The following SLC35F3 variants were observed in gnomAD, a reference collection of about 807,000 sequenced individuals.
SLC35F3 encodes solute carrier family 35 member F3.
SLC35F3 carries 25 observed loss-of-function variants against 49.9 expected under a neutral mutation model. The observed-to-expected ratio is 0.50, with a 90% CI of 0.37 to 0.70. The LOEUF (loss-of-function observed/expected upper bound fraction) is 0.70, where lower values mean the gene tolerates loss of function less well. Among genes scored for constraint, SLC35F3 ranks in the 30% least tolerant of loss-of-function variants. SLC35F3 has a pLI of 0.00. For missense variants in SLC35F3, 525 were observed against 639.8 expected (o/e 0.82, Z 1.94); for synonymous variants, 275 against 265.4 (o/e 1.04, Z -0.35).
At chr1:234,204,257 T>TA (rs2102936202) in intron 2 of SLC35F3, among the ~76,000 whole-genome samples, 1 of 152,330 alleles carries the variant, frequency 6.6e-6, no homozygotes, top group Non-Finnish European at 1.5e-5. Flanking sequence ...CTTTGATATA[T>TA]ATTATCAACC....
intron 4 of SLC35F3, among the ~76,000 whole-genome samples, chr1:234,310,921 C>T (rs773685181): frequency 2.0e-5 from 3 of 152,192 alleles, no homozygotes; most frequent in Non-Finnish European, 4.4e-5. Flanking sequence ...TCCAACCCCC[C>T]ACCCAAGAGT....
At chr1:234,073,257 C>T (rs945816581) in intron 2 of SLC35F3, among the ~76,000 whole-genome samples, 1 of 152,196 alleles carries the variant, frequency 6.6e-6, no homozygotes, top group African/African-American at 2.4e-5. Flanking sequence ...AATCCTCCCA[C>T]CTCAGCTTCC....
chr1:234,064,693 T>C (rs1024834214), intron 2 of SLC35F3, among the ~76,000 whole-genome samples: 8 of 152,188 alleles, frequency 5.3e-5, no homozygotes, highest in Non-Finnish European at 7.3e-5. Context: ...AGTTAAAACA[T>C]GATAATTGTT....
At chr1:234,186,761 A>C (rs542998069) in intron 2 of SLC35F3, among the ~76,000 whole-genome samples, 2 of 152,174 alleles carry the variant, frequency 1.3e-5, no homozygotes, top group Admixed American at 6.5e-5. Context: ...TCCCATGTAC[A>C]TTAGCTCCTT....
chr1:234,114,258 A>C (rs529667732), intron 2 of SLC35F3, among the ~76,000 whole-genome samples: 3 of 152,346 alleles, frequency 2.0e-5, no homozygotes, highest in African/African-American at 4.8e-5. Context: ...TTTTTGCTTA[A>C]GTTTGGGAAA....
intron 2 of SLC35F3, among the ~76,000 whole-genome samples, chr1:233,923,538 A>G (rs1662103317): frequency 6.6e-6 from 1 of 152,176 alleles, no homozygotes; most frequent in Non-Finnish European, 1.5e-5. Flanking sequence ...CAGCTTAAGG[A>G]GATTTTGGGC....
chr1:234,095,030 G>T (rs920630424), intron 2 of SLC35F3, among the ~76,000 whole-genome samples: 1 of 152,140 alleles, frequency 6.6e-6, no homozygotes, highest in Non-Finnish European at 1.5e-5. Context: ...CTGGCAGGGG[G>T]GTTTATCTGA....
At chr1:234,074,638 A>G (rs1664768097) in intron 2 of SLC35F3, among the ~76,000 whole-genome samples, 1 of 152,202 alleles carries the variant, frequency 6.6e-6, no homozygotes, top group South Asian at 2.1e-4. Context: ...AAAGGTTTCA[A>G]AGCTCATGAT....
chr1:233,965,978 G>A (rs1026389469), intron 2 of SLC35F3, among the ~76,000 whole-genome samples: 1 of 152,214 alleles, frequency 6.6e-6, no homozygotes, highest in African/African-American at 2.4e-5. Context: ...TTATGGGTCT[G>A]TGAGGTGAAA....
At chr1:234,298,903 A>C (rs1053078479) in intron 3 of SLC35F3, among the ~76,000 whole-genome samples, 2 of 152,218 alleles carry the variant, frequency 1.3e-5, no homozygotes, top group Non-Finnish European at 2.9e-5. Context: ...TTAAAGTACC[A>C]GGATCCAGAG....
intron 2 of SLC35F3, among the ~76,000 whole-genome samples, chr1:234,195,692 G>C (rs980158034): frequency 2.6e-5 from 4 of 152,112 alleles, no homozygotes; most frequent in African/African-American, 9.7e-5. Flanking sequence ...TAGAAAGTAT[G>C]ATATGGTTTG....
intron 2 of SLC35F3, among the ~76,000 whole-genome samples, chr1:234,205,389 A>T (rs1353865509): frequency 5.3e-5 from 8 of 152,192 alleles, no homozygotes; most frequent in African/African-American, 1.9e-4. Context: ...TGAACCCGAG[A>T]GGCAGAGGTC....
At chr1:234,217,156 G>A (rs1285645395) in intron 2 of SLC35F3, among the ~76,000 whole-genome samples, 1 of 152,212 alleles carries the variant, frequency 6.6e-6, no homozygotes, top group South Asian at 2.1e-4. Flanking sequence ...TGCAGCCAGC[G>A]AGGAATATTT....
chr1:234,303,111 AC>A (rs961656462), intron 3 of SLC35F3, among the ~76,000 whole-genome samples: 12 of 151,534 alleles, frequency 7.9e-5, no homozygotes, highest in African/African-American at 2.9e-4. Context: ...TTTCTTCCCC[AC>A]CCCCAACACA....
intron 2 of SLC35F3, among the ~76,000 whole-genome samples, chr1:234,137,121 A>G (rs1263232321): frequency 1.3e-5 from 2 of 152,236 alleles, no homozygotes; most frequent in African/African-American, 4.8e-5. Flanking sequence ...ACACAGGGCC[A>G]TGTAACAGAT....
At chr1:234,010,890 C>G (rs879653802) in intron 2 of SLC35F3, among the ~76,000 whole-genome samples, 1 of 152,102 alleles carries the variant, frequency 6.6e-6, no homozygotes, top group Non-Finnish European at 1.5e-5. Flanking sequence ...ATAAAGGAGT[C>G]AATTCATCAA....
rs760526771 is a variant in SLC35F3, at chr1:234,323,213, C to T, written c.1443C>T (p.Asn481=). The T allele has an allele frequency of 1.9e-6, 3 of 1,614,062 alleles. No homozygotes were observed. Among genetic ancestry groups the T allele is most frequent in the Non-Finnish European group, 2.5e-6 (3 of 1,180,006 alleles). ...ADLSSGPQSK[N]RRARPSFAR is the part of the protein sequence containing the mutation. ...TGAGCTCAGGACCTCAGAGCAAGAA[C>T]AGAAGAGCCCGCCCTTCCTTCGCCC... The change falls in exon 8 of 8, where the codon AAC becomes AAT. Residue 481 remains asparagine (N), a synonymous_variant. Transcript: ENST00000366618. This position sits in a 1 kb window ranked among gnomAD's most constrained non-coding sequence, Gnocchi z 4.5.
At chr1:234,058,687 C>T (rs1292677548) in intron 2 of SLC35F3, among the ~76,000 whole-genome samples, 4 of 151,968 alleles carry the variant, frequency 2.6e-5, no homozygotes, top group African/African-American at 9.7e-5. Context: ...ATTTTTGCAC[C>T]CATTTTTGTA....
Position 234,037,276 on chromosome 1 carries a change from G to A in SLC35F3, c.283+131518G>A, listed in dbSNP as rs1664157883. Among the ~76,000 whole-genome samples, 3 of 152,014 alleles carry A rather than the reference G, an allele frequency of 2.0e-5. No homozygotes were observed. In the South Asian group the frequency reaches 6.2e-4, roughly 32 times the overall value. On this transcript the variant is annotated intron_variant, in intron 2 of 7. Coordinates refer to ENST00000366618, the MANE Select transcript of SLC35F3 (RefSeq NM_173508.4). ...GAAGGAAGCAAGAGAGAGAGGGGAGGGAGGTATCAGGCTGCTTTTAGCAAT... is the reference window on the plus strand; with the variant it reads ...GAAGGAAGCAAGAGAGAGAGGGGAGAGAGGTATCAGGCTGCTTTTAGCAAT...
Sources: gnomAD v4.1 joint callset for allele counts (sites outside exome capture counted in the v4.1 genomes callset) on GRCh38, gnomAD v4.1.1 for gene constraint, Gnocchi (gnomAD v3.1) non-coding constraint, MANE v1.5 for transcripts, NCBI Gene and HGNC (gene_info 2026-07-23, HGNC 2026-07-21) for gene names.